SNTG2: variants seen among roughly 807,000 people sequenced by gnomAD.
The protein encoded by SNTG2 is gamma-2-syntrophin.
SNTG2 carries 74 observed loss-of-function variants against 70.9 expected under a neutral mutation model. The observed-to-expected ratio is 1.04, with a 90% CI of 0.86 to 1.27. The LOEUF is 1.27. Ranked by LOEUF, SNTG2 falls within the 50% of genes most tolerant of loss-of-function variation. The pLI, the probability that SNTG2 is intolerant of heterozygous loss-of-function variation, is 0.00. For missense variants in SNTG2, 717 were observed against 690.7 expected (o/e 1.04, Z -0.43); for synonymous variants, 278 against 273.8 (o/e 1.02, Z -0.15).
chr2:1,114,808 A>G (rs1225262777), intron 4 of SNTG2, among the ~76,000 whole-genome samples: 1 of 152,152 alleles, frequency 6.6e-6, no homozygotes, highest in Non-Finnish European at 1.5e-5. Context: ...TTTAACCCTT[A>G]TAGTCCTTTG....
At chr2:1,229,548 G>C (rs1466372470) in intron 9 of SNTG2, among the ~76,000 whole-genome samples, 1 of 152,242 alleles carries the variant, frequency 6.6e-6, no homozygotes, top group Non-Finnish European at 1.5e-5. Flanking sequence ...CAGTGGATCC[G>C]GCACCGGGGC....
At chr2:952,089 C>T (rs893116580) in intron 1 of SNTG2, among the ~76,000 whole-genome samples, 5 of 152,132 alleles carry the variant, frequency 3.3e-5, no homozygotes, top group African/African-American at 1.2e-4. Flanking sequence ...TCAAGTAGCA[C>T]CTTTCTGGGC....
intron 7 of SNTG2, 119 bp downstream of exon 7, chr2:1,165,754 G>T: frequency 1.2e-6 from 1 of 856,526 alleles, no homozygotes. Flanking sequence ...TACATTCAGA[G>T]AGAAGAAAAG....
chr2:1,074,335 C>CTTT (rs1663782812), intron 1 of SNTG2, among the ~76,000 whole-genome samples: 1 of 152,156 alleles, frequency 6.6e-6, no homozygotes, highest in South Asian at 2.1e-4. Flanking sequence ...CCCTGACATT[C>CTTT]TTTTTGATCT....
intron 9 of SNTG2, among the ~76,000 whole-genome samples, chr2:1,221,794 TC>T: frequency 2.1e-4 from 1 of 4,824 alleles, no homozygotes; most frequent in Non-Finnish European, 3.6e-4. Flanking sequence ...TCTGTCTCTG[TC>T]TGTCTCTGTC....
chr2:1,226,784 A>G (rs560437239), intron 9 of SNTG2, among the ~76,000 whole-genome samples: 1 of 152,254 alleles, frequency 6.6e-6, no homozygotes, highest in Non-Finnish European at 1.5e-5. Context: ...TTTAGCCTGT[A>G]AGAATCTTTT....
At chr2:1,179,135 G>A (rs1671689017) in intron 8 of SNTG2, among the ~76,000 whole-genome samples, 1 of 152,090 alleles carries the variant, frequency 6.6e-6, no homozygotes, top group Admixed American at 6.6e-5. Flanking sequence ...CATTTCTGTG[G>A]GATCGGTGGT....
chr2:1,237,057 C>T (rs1449262728), intron 9 of SNTG2, among the ~76,000 whole-genome samples: 5 of 151,684 alleles, frequency 3.3e-5, no homozygotes, highest in African/African-American at 4.9e-5. Context: ...ATTCTCCTGC[C>T]GTAGCCTTCC....
intron 12 of SNTG2, among the ~76,000 whole-genome samples, chr2:1,253,462 C>A (rs928464864): frequency 1.3e-5 from 2 of 152,176 alleles, no homozygotes; most frequent in Non-Finnish European, 2.9e-5. Context: ...CCTCACTATG[C>A]AATAATGTAG....
At chr2:1,366,357 CTAAAAACAGTTTCTT>C (rs549258574) in intron 16 of SNTG2, among the ~76,000 whole-genome samples, 2 of 152,302 alleles carry the variant, frequency 1.3e-5, no homozygotes, top group South Asian at 4.2e-4. Flanking sequence ...TGAATAACTT[CTAAAAACAGTTTCTT>C]TAACTTCTGT....
intron 6 of SNTG2, among the ~76,000 whole-genome samples, chr2:1,148,633 G>C (rs67371624): frequency 0.98 from 149,731 of 152,278 alleles, 73,662 homozygotes; most frequent in East Asian, 1. Context: ...GGATGCACCT[G>C]TGGTTTGGAA....
intron 8 of SNTG2, among the ~76,000 whole-genome samples, chr2:1,196,741 GA>G (rs987542689): frequency 2.6e-5 from 4 of 151,522 alleles, no homozygotes; most frequent in African/African-American, 7.3e-5. Flanking sequence ...AGTACTAAAA[GA>G]AAAAAAACAC....
At chr2:1,104,751 A>G (rs1038266418) in intron 4 of SNTG2, among the ~76,000 whole-genome samples, 1 of 152,150 alleles carries the variant, frequency 6.6e-6, no homozygotes, top group Non-Finnish European at 1.5e-5. Context: ...GGTTTGAGTG[A>G]ATAGGGCTTG....
intron 8 of SNTG2, among the ~76,000 whole-genome samples, chr2:1,177,316 C>T (rs1055982931): frequency 3.4e-4 from 52 of 151,770 alleles, no homozygotes; most frequent in African/African-American, 1.2e-3. Context: ...CACTGGGGCC[C>T]GGCAAGGGGT....
intron 1 of SNTG2, among the ~76,000 whole-genome samples, chr2:994,517 G>C (rs185792057): frequency 6.6e-6 from 1 of 151,974 alleles, no homozygotes; most frequent in Non-Finnish European, 1.5e-5. Flanking sequence ...ACAGTCCTGG[G>C]TTCCTGGAAC....
chr2:1,149,040 A>G (rs1256536179), intron 6 of SNTG2, among the ~76,000 whole-genome samples: 2 of 152,232 alleles, frequency 1.3e-5, no homozygotes, highest in Non-Finnish European at 2.9e-5. Context: ...CAGGGTTACA[A>G]AATTATTCCC....
intron 1 of SNTG2, among the ~76,000 whole-genome samples, chr2:992,171 C>G (rs1332711038): frequency 6.6e-6 from 1 of 152,010 alleles, no homozygotes; most frequent in African/African-American, 2.4e-5. Flanking sequence ...AACTGAAAAG[C>G]ACACATTTGA....
At chr2:1,348,941 C>T (rs1660438727) in intron 16 of SNTG2, among the ~76,000 whole-genome samples, 1 of 152,148 alleles carries the variant, frequency 6.6e-6, no homozygotes, top group Non-Finnish European at 1.5e-5. Context: ...TTATTCTTGA[C>T]TGATGCACAA....
At chr2:1,287,261 T>C (rs1372941334) in intron 14 of SNTG2, among the ~76,000 whole-genome samples, 2 of 152,228 alleles carry the variant, frequency 1.3e-5, no homozygotes, top group African/African-American at 4.8e-5. Flanking sequence ...ACAATTTAAT[T>C]TCTTTAGAGA....
Sources: gnomAD v4.1 joint callset for allele counts (sites outside exome capture counted in the v4.1 genomes callset) on GRCh38, gnomAD v4.1.1 for gene constraint, MANE v1.5 for transcripts, NCBI Gene and HGNC (gene_info 2026-07-23, HGNC 2026-07-21) for gene names.